Variants in TENM1 observed in about 807,000 individuals in gnomAD.
TENM1 encodes teneurin-1.
Under a neutral mutation model 174.8 loss-of-function variants are expected in TENM1, and 35 were observed. That is an observed-to-expected ratio of 0.20 (90% CI 0.15 to 0.27). The LOEUF (loss-of-function observed/expected upper bound fraction) is 0.27, where lower values mean the gene tolerates loss of function less well. TENM1 is among the 10% of genes least tolerant of loss of function. The pLI, the probability that TENM1 is intolerant of heterozygous loss-of-function variation, is 1.00. For missense variants in TENM1, 1,633 were observed against 2,130.1 expected, an observed-to-expected ratio of 0.77 and a Z score of 4.59; for synonymous variants, 781 against 798.7, an observed-to-expected ratio of 0.98 and a Z score of 0.37.
chrX:124,855,284 C>T (rs180852303), intron 3 of TENM1, among the ~76,000 whole-genome samples: 19 of 111,512 alleles, frequency 1.7e-4, no homozygotes, highest in African/African-American at 5.8e-4. Context: ...ATATTCTACA[C>T]TTTTATTTAT....
At chrX:124,543,820 A>G in intron 15 of TENM1, among the ~76,000 whole-genome samples, 1 of 112,491 alleles carries the variant, frequency 8.9e-6, no homozygotes, top group Middle Eastern at 4.6e-3. Context: ...TTGTTGTTAC[A>G]CCATCACACG....
At chrX:124,575,961 C>G (rs1475804251) in intron 11 of TENM1, among the ~76,000 whole-genome samples, 1 of 112,273 alleles carries the variant, frequency 8.9e-6, no homozygotes, top group Middle Eastern at 4.6e-3. Context: ...CAAATAGTAT[C>G]CTCAAATGCC....
chrX:125,197,793 T>C, the TENM1 span, among the ~76,000 whole-genome samples: 8 of 112,198 alleles, frequency 7.1e-5, no homozygotes, highest in African/African-American at 2.3e-4. Context: ...CTTGAACATA[T>C]ATATTTTGAA....
intron 3 of TENM1, among the ~76,000 whole-genome samples, chrX:124,788,684 CAT>C (rs747462262): frequency 8.9e-6 from 1 of 112,776 alleles, no homozygotes; most frequent in Non-Finnish European, 1.9e-5. Flanking sequence ...CCTTTGACTC[CAT>C]GTCTCATGTC....
At chrX:124,585,983 C>G (rs1413143297) in intron 11 of TENM1, among the ~76,000 whole-genome samples, 1 of 110,339 alleles carries the variant, frequency 9.1e-6, no homozygotes, top group Non-Finnish European at 1.9e-5. Context: ...CAAGACTAAA[C>G]CAGGAAGAAG....
At chrX:125,169,012 G>A in the TENM1 span, among the ~76,000 whole-genome samples, 7 of 110,493 alleles carry the variant, frequency 6.3e-5, no homozygotes, top group South Asian at 3.8e-4. Context: ...GTGTGCGCAC[G>A]CAGATCATAT....
At chrX:124,590,811 G>C (rs898285392) in intron 11 of TENM1, among the ~76,000 whole-genome samples, 2 of 111,823 alleles carry the variant, frequency 1.8e-5, no homozygotes, top group African/African-American at 6.5e-5. Context: ...TCAATTATCT[G>C]TTTAATGTTG....
chrX:124,562,054 C>T (rs1355100620), intron 13 of TENM1, among the ~76,000 whole-genome samples: 1 of 112,071 alleles, frequency 8.9e-6, no homozygotes, highest in Non-Finnish European at 1.9e-5. Context: ...AACCCCAATT[C>T]CCAACCCCTG....
intron 20 of TENM1, among the ~76,000 whole-genome samples, chrX:124,496,651 T>C (rs950042233): frequency 2.7e-5 from 3 of 111,709 alleles, no homozygotes; most frequent in African/African-American, 9.8e-5. Flanking sequence ...GATCTGACAA[T>C]ACCTCTCCCA....
chrX:124,760,196 G>GT (rs936297990), intron 3 of TENM1, among the ~76,000 whole-genome samples: 6 of 111,098 alleles, frequency 5.4e-5, no homozygotes, highest in East Asian at 2.8e-4. Context: ...ACTTTGCTGA[G>GT]TTTTTTTTCC....
the TENM1 span, among the ~76,000 whole-genome samples, chrX:125,184,338 T>A: frequency 1.8e-5 from 2 of 109,958 alleles, no homozygotes; most frequent in African/African-American, 6.9e-5. Flanking sequence ...ATTAAAAAAA[T>A]TATTTTCACA....
intron 11 of TENM1, among the ~76,000 whole-genome samples, chrX:124,577,401 G>T (rs3830101): frequency 9.2e-6 from 1 of 108,694 alleles, no homozygotes; most frequent in African/African-American, 3.4e-5. Flanking sequence ...GAAAAGAAAC[G>T]TAAAGAACCC....
the TENM1 span, among the ~76,000 whole-genome samples, chrX:124,975,801 C>G: frequency 9.0e-6 from 1 of 111,688 alleles, no homozygotes; most frequent in African/African-American, 3.2e-5. Context: ...GGACTTGTAC[C>G]AAATATTTTG....
At chrX:125,156,427 T>C in the TENM1 span, among the ~76,000 whole-genome samples, 1 of 111,903 alleles carries the variant, frequency 8.9e-6, no homozygotes, top group East Asian at 2.8e-4. Context: ...CCACCCAAAG[T>C]AGACATTGGT....
intron 22 of TENM1, among the ~76,000 whole-genome samples, chrX:124,477,117 T>C (rs2046743658): frequency 8.9e-6 from 1 of 112,185 alleles, no homozygotes. Flanking sequence ...ACAAAATTTG[T>C]AGTTACTACT....
At chrX:124,508,557 G>A (rs1189795943) in intron 18 of TENM1, among the ~76,000 whole-genome samples, 1 of 112,073 alleles carries the variant, frequency 8.9e-6, no homozygotes, top group Non-Finnish European at 1.9e-5. Flanking sequence ...ACAAAAATAA[G>A]GGTTAAATAT....
intron 3 of TENM1, among the ~76,000 whole-genome samples, chrX:124,739,496 C>A (rs898724105): frequency 9.0e-6 from 1 of 111,039 alleles, no homozygotes; most frequent in Non-Finnish European, 1.9e-5. Context: ...TTTTTCTGTA[C>A]GTGTTTTTGT....
At chrX:124,744,017 C>G (rs1002566194) in intron 3 of TENM1, among the ~76,000 whole-genome samples, 22 of 111,722 alleles carry the variant, frequency 2.0e-4, no homozygotes, top group African/African-American at 7.1e-4. Flanking sequence ...CTTCCTGTCT[C>G]TGTTATAGAG....
At chrX:125,005,994 C>G in the TENM1 span, among the ~76,000 whole-genome samples, 1 of 111,672 alleles carries the variant, frequency 9.0e-6, no homozygotes, top group African/African-American at 3.3e-5. Flanking sequence ...CCAGCAGCTC[C>G]TGGAACTCCA....
Sources: gnomAD v4.1 joint callset for allele counts (sites outside exome capture counted in the v4.1 genomes callset) on GRCh38, gnomAD v4.1.1 for gene constraint, MANE v1.5 for transcripts, NCBI Gene and HGNC (gene_info 2026-07-23, HGNC 2026-07-21) for gene names.